The following XKR6 variants were observed in gnomAD, a reference collection of about 807,000 sequenced individuals.
XKR6 encodes XK related 6.
XKR6 carries 22 observed loss-of-function variants against 56.7 expected under a neutral mutation model. That is an observed-to-expected ratio of 0.39 (90% CI 0.28 to 0.55). The LOEUF (loss-of-function observed/expected upper bound fraction) is 0.55. Among genes scored for constraint, XKR6 ranks in the 20% least tolerant of loss-of-function variants. XKR6 has a pLI of 0.66. For synonymous variants in XKR6, 524 were observed against 387.8 expected (o/e 1.35, Z -4.13); for missense variants, 852 against 889.0 (o/e 0.96, Z 0.53).
At chr8:11,193,203 A>G (rs1338078280) in intron 1 of XKR6, among the ~76,000 whole-genome samples, 1 of 152,264 alleles carries the variant, frequency 6.6e-6, no homozygotes, top group Non-Finnish European at 1.5e-5. Flanking sequence ...TCCATGCTCT[A>G]AATCAGTGAC....
chr8:11,084,931 A>C (rs1797837731), intron 1 of XKR6, among the ~76,000 whole-genome samples: 1 of 152,144 alleles, frequency 6.6e-6, no homozygotes. Context: ...TACAAAAAGA[A>C]ATCTGCTGAA....
At chr8:11,141,225 A>AAC (rs1800682985) in intron 1 of XKR6, among the ~76,000 whole-genome samples, 4 of 152,226 alleles carry the variant, frequency 2.6e-5, no homozygotes, top group African/African-American at 9.6e-5. Flanking sequence ...TTGTGGGACA[A>AAC]AGCAAATAAG....
chr8:11,150,647 G>A (rs964868259), intron 1 of XKR6, among the ~76,000 whole-genome samples: 9 of 152,022 alleles, frequency 5.9e-5, no homozygotes, highest in African/African-American at 2.2e-4. Context: ...GAGGTCAGTA[G>A]TTTGAGAGCA....
chr8:11,036,408 T>C (rs747538497), intron 1 of XKR6, among the ~76,000 whole-genome samples: 7 of 151,710 alleles, frequency 4.6e-5, no homozygotes, highest in Non-Finnish European at 5.9e-5. Flanking sequence ...CAAAGATATC[T>C]TCTCTGGTCA....
intron 1 of XKR6, among the ~76,000 whole-genome samples, chr8:11,046,090 C>T (rs773837694): frequency 2.0e-4 from 31 of 151,942 alleles, no homozygotes; most frequent in Admixed American, 3.9e-4. Flanking sequence ...CGGGTATATA[C>T]CCAAAAGAAT....
intron 1 of XKR6, among the ~76,000 whole-genome samples, chr8:10,990,358 C>T (rs1418734008): frequency 6.6e-6 from 1 of 152,140 alleles, no homozygotes; most frequent in East Asian, 1.9e-4. Flanking sequence ...TGCTCTGGTC[C>T]CAAAGGGAGC....
At chr8:10,954,866 C>CTCTTTTTTTTTTTTTTTTTTTTTTTTTTT (rs1563309729) in intron 1 of XKR6, among the ~76,000 whole-genome samples, 2 of 92,794 alleles carry the variant, frequency 2.2e-5, no homozygotes, top group Non-Finnish European at 4.4e-5. Context: ...ACTTCATTCT[C>CTCTTTTTTTTTTTTTTTTTTTTTTTTTTT]TTTTTTTTTT....
Position 11,102,539 on chromosome 8 carries a change from AAACACC to A in XKR6, c.764+98031_764+98036del, listed in dbSNP as rs1798522361. ...ACAGGAAGCAAGAATGGAAGGGGAC[AAACACC>A]AATTGTTGAGAAATGTGATCTTTTC... On this transcript the variant is annotated intron_variant, in intron 1 of 2. Transcript: ENST00000416569. Among the ~76,000 whole-genome samples, 3 of 152,364 alleles carry A rather than the reference AAACACC, an allele frequency of 2.0e-5. No individual in the cohort carries two copies. The South Asian group carries it at 6.2e-4, about 32-fold the overall frequency.
In XKR6 at chr8:10,901,056, T is replaced by TTC. The variant is rs386412061; in HGVS notation, c.962-2141_962-2140insGA. 7.8e-4 allele frequency among the ~76,000 whole-genome samples: 30 copies of TTC among 38,590 alleles called. 1 individual carries two copies. Among genetic ancestry groups the TTC allele is most frequent in the Non-Finnish European group, 1.3e-3 (21 of 15,978 alleles). 25.3% of individuals were successfully genotyped at this position (38,590 alleles called of 152,430 possible). ...TTTGTAGAGACAGAGTTTCTACTTC[T>TTC]TTTTTTTTTTTTTTTTTAAGATGGA... is the stretch of plus-strand genomic sequence containing the variant. On this transcript the variant is annotated intron_variant, in intron 2 of 2. Coordinates refer to ENST00000416569, the MANE Select transcript of XKR6 (RefSeq NM_173683.4).
At chr8:11,125,635 G>C (rs554451574) in intron 1 of XKR6, 40 of 152,274 alleles carry the variant, frequency 2.6e-4, no homozygotes, top group Admixed American at 1.3e-3. Flanking sequence ...GCGAAGGACA[G>C]AGAGGACTTT....
intron 1 of XKR6, among the ~76,000 whole-genome samples, chr8:10,975,273 C>A (rs1219646912): frequency 6.6e-6 from 1 of 152,202 alleles, no homozygotes; most frequent in Non-Finnish European, 1.5e-5. Context: ...AGGCTGCTCC[C>A]CCATCACCCA....
intron 1 of XKR6, among the ~76,000 whole-genome samples, chr8:10,960,978 G>C (rs982704189): frequency 5.3e-5 from 8 of 152,152 alleles, no homozygotes; most frequent in South Asian, 2.1e-4. Context: ...GATGGGGTAG[G>C]GCCAGGAGCA....
chr8:11,115,161 C>G (rs1176057655), intron 1 of XKR6, among the ~76,000 whole-genome samples: 1 of 152,160 alleles, frequency 6.6e-6, no homozygotes, highest in African/African-American at 2.4e-5. Flanking sequence ...TCCTGAATCC[C>G]TGAATCTCTC....
In XKR6 at chr8:11,021,409, G is replaced by A. The variant is rs142064308; in HGVS notation, c.765-96579C>T. ...CCATCGGATTAAGGATGAGCTTAAT[G>A]TATAATGTATAAACCCATGGACAGA... On this transcript the variant is annotated intron_variant, in intron 1 of 2. Coordinates refer to ENST00000416569, the MANE Select transcript of XKR6 (RefSeq NM_173683.4). Among the ~76,000 whole-genome samples the A allele has an allele frequency of 2.4e-3, 362 of 152,340 alleles. 1 individual carries two copies. Among genetic ancestry groups the A allele is most frequent in the African/African-American group, 8.5e-3 (353 of 41,566 alleles).
chr8:10,912,737 C>T (rs1800438458), intron 2 of XKR6, among the ~76,000 whole-genome samples: 2 of 136,854 alleles, frequency 1.5e-5, no homozygotes, highest in South Asian at 4.8e-4. Context: ...TGTATATGCA[C>T]ATATATAGAG....
chr8:11,125,440 G>A (rs1320778203), intron 1 of XKR6, among the ~76,000 whole-genome samples: 2 of 152,124 alleles, frequency 1.3e-5, no homozygotes, highest in Non-Finnish European at 2.9e-5. Flanking sequence ...ACAACTCCAT[G>A]GTTGAGTATG....
intron 2 of XKR6, among the ~76,000 whole-genome samples, chr8:10,909,180 A>AG (rs1800276076): frequency 6.7e-6 from 1 of 148,554 alleles, no homozygotes; most frequent in Non-Finnish European, 1.5e-5. Context: ...AAAAAAAAAA[A>AG]TAGTTTGGCC....
chr8:11,147,873 A>C (rs1217981872), intron 1 of XKR6, among the ~76,000 whole-genome samples: 7 of 152,062 alleles, frequency 4.6e-5, no homozygotes, highest in African/African-American at 1.7e-4. Context: ...AGTATCTCAG[A>C]ATGTGGCTGT....
At chr8:11,038,024 T>TAAA (rs34286744) in intron 1 of XKR6, among the ~76,000 whole-genome samples, 5 of 132,476 alleles carry the variant, frequency 3.8e-5, no homozygotes, top group Non-Finnish European at 6.4e-5. Flanking sequence ...CAGATATATC[T>TAAA]AAAAAAAAAA....
Sources: allele counts gnomAD v4.1 joint callset (sites outside exome capture counted in the v4.1 genomes callset), GRCh38; gene constraint gnomAD v4.1.1; transcripts MANE v1.5; gene names NCBI Gene and HGNC (gene_info 2026-07-23, HGNC 2026-07-21).